DAB1: variants seen among roughly 807,000 people sequenced by gnomAD.
DAB1 encodes DAB adaptor protein 1.
A neutral mutation model predicts 64.6 loss-of-function variants in DAB1; 15 were observed. The ratio of observed to expected loss-of-function variants is 0.23; its 90% CI spans 0.16 to 0.36. The LOEUF is 0.36. Among genes scored for constraint, DAB1 ranks in the 10% least tolerant of loss-of-function variants. The pLI is 1.00. For synonymous variants in DAB1, 235 were observed against 251.9 expected (o/e 0.93, Z 0.64); for missense variants, 596 against 706.7 (o/e 0.84, Z 1.78).
At chr1:57,419,905 G>A (rs1684770521) in intron 1 of DAB1, among the ~76,000 whole-genome samples, 1 of 152,222 alleles carries the variant, frequency 6.6e-6, no homozygotes. Context: ...TTTAGTTTGA[G>A]AATCTCTGCT....
At chr1:58,077,555 CA>C (rs1213289808) in intron 5 of DAB1, among the ~76,000 whole-genome samples, 1 of 152,184 alleles carries the variant, frequency 6.6e-6, no homozygotes, top group Non-Finnish European at 1.5e-5. Context: ...CTTGCATTGA[CA>C]ATCTTATGTA....
chr1:57,144,175 A>G lies in DAB1; in HGVS notation c.207+1115T>C, dbSNP rs372851211. ...TTCCTTACATTTTTCTGTATTTTCAAAATATTCCATAATGCACATAAGTGA... is the reference window on the plus strand; with the variant it reads ...TTCCTTACATTTTTCTGTATTTTCAGAATATTCCATAATGCACATAAGTGA... On this transcript the variant is annotated intron_variant, in intron 3 of 14. Transcript: ENST00000371236. Among the ~76,000 whole-genome samples the G allele has an allele frequency of 3.3e-5, 5 of 152,172 alleles. No individual in the cohort carries two copies. The East Asian group carries it at 7.7e-4, about 23-fold the overall frequency.
chr1:57,354,487 TTGATCA>T (rs1253454728), intron 1 of DAB1, among the ~76,000 whole-genome samples: 2 of 152,150 alleles, frequency 1.3e-5, no homozygotes, highest in Non-Finnish European at 2.9e-5. Flanking sequence ...AGTTAGGGAA[TTGATCA>T]TGATCAATGA....
At chr1:58,415,476 C>A (rs1644710648) in intron 3 of DAB1, 1 of 244,040 alleles carries the variant, frequency 4.1e-6, no homozygotes, top group African/African-American at 2.3e-5. Context: ...CTTGGGGATA[C>A]ATGCATATCC....
Position 57,899,333 on chromosome 1 carries a change from G to T in DAB1, n.388-15171C>A, listed in dbSNP as rs534472162. ...AGGGATGGGAATTGCTTTGGATCCT[G>T]GAGGCAAAATGAAAAGTGTGTGATC... On this transcript the variant is annotated intron_variant and non_coding_transcript_variant, in intron 5 of 20. Transcript: ENST00000485760. Among the ~76,000 whole-genome samples the T allele has an allele frequency of 1.9e-4, 29 of 152,182 alleles. No homozygotes were observed. The South Asian group carries it at 2.3e-3, about 12-fold the overall frequency.
chr1:57,341,996 CT>C (rs1338647554), intron 1 of DAB1, among the ~76,000 whole-genome samples: 2 of 152,232 alleles, frequency 1.3e-5, no homozygotes, highest in Admixed American at 6.5e-5. Flanking sequence ...TATTCCATGA[CT>C]TACCATATTT....
At chr1:58,351,219 A>C (rs552932853) in intron 3 of DAB1, among the ~76,000 whole-genome samples, 6 of 152,238 alleles carry the variant, frequency 3.9e-5, no homozygotes, top group Non-Finnish European at 5.9e-5. Context: ...TCTTTGTAGC[A>C]ATTGCAAATG....
intron 4 of DAB1, among the ~76,000 whole-genome samples, chr1:57,109,514 A>G (rs1241825632): frequency 2.6e-5 from 4 of 152,242 alleles, no homozygotes; most frequent in Admixed American, 6.5e-5. Context: ...ATTTAAAAAA[A>G]TAAGAGAAGC....
rs185533737 is a variant in DAB1, at chr1:58,490,312, C to T, written n.257+15748G>A. ...TGACGAATGCACAAGCCTCAGTAGCCGATTCGATCAACTGGAAGAAAAGGT... is the reference window on the plus strand; with the variant it reads ...TGACGAATGCACAAGCCTCAGTAGCTGATTCGATCAACTGGAAGAAAAGGT... On this transcript the variant is annotated intron_variant and non_coding_transcript_variant, in intron 3 of 20. Coordinates refer to the DAB1 transcript ENST00000485760. Among the ~76,000 whole-genome samples the T allele has an allele frequency of 5.4e-3, 826 of 151,962 alleles. 6 individuals are homozygous for T. Among genetic ancestry groups the T allele is most frequent in the African/African-American group, 0.019 (791 of 41,418 alleles).
At chr1:57,766,032 A>C (rs1649296124) in intron 6 of DAB1, among the ~76,000 whole-genome samples, 1 of 152,010 alleles carries the variant, frequency 6.6e-6, no homozygotes, top group Non-Finnish European at 1.5e-5. Flanking sequence ...TTTCTTCTCT[A>C]CCAAGGTTCA....
At chr1:57,080,267 T>C (rs1375856875) in intron 4 of DAB1, among the ~76,000 whole-genome samples, 1 of 152,142 alleles carries the variant, frequency 6.6e-6, no homozygotes, top group East Asian at 1.9e-4. Flanking sequence ...CTCCTTTATC[T>C]CTATAAATTT....
At chr1:57,538,709 T>C (rs1036803303) in intron 7 of DAB1, among the ~76,000 whole-genome samples, 5 of 152,174 alleles carry the variant, frequency 3.3e-5, no homozygotes, top group African/African-American at 1.2e-4. Flanking sequence ...TTCAGGCCCA[T>C]TGCTGCCATG....
chr1:57,732,379 G>A (rs1482158079), intron 6 of DAB1, among the ~76,000 whole-genome samples: 1 of 152,172 alleles, frequency 6.6e-6, no homozygotes, highest in Non-Finnish European at 1.5e-5. Context: ...GGCACGGTAG[G>A]GAGAGACGGC....
At chr1:57,086,686 CAT>C (rs34394457) in intron 4 of DAB1, among the ~76,000 whole-genome samples, 37 of 144,148 alleles carry the variant, frequency 2.6e-4, no homozygotes, top group East Asian at 1.0e-3. Flanking sequence ...CACACACACA[CAT>C]GAAAAAAACC....
In DAB1 at chr1:57,308,359, T is replaced by G. The variant is rs551202892; in HGVS notation, c.-136-17193A>C. ...TATGATCAGAAGAAGCATGAAAAGATCTCCTCCTCTCAGGAATTCCAGGGG... is the reference window on the plus strand; with the variant it reads ...TATGATCAGAAGAAGCATGAAAAGAGCTCCTCCTCTCAGGAATTCCAGGGG... On this transcript the variant is annotated intron_variant, in intron 1 of 14. Transcript: ENST00000371236. Among the ~76,000 whole-genome samples the G allele has an allele frequency of 4.6e-5, 7 of 152,094 alleles. No homozygotes were observed. In the South Asian group the frequency reaches 1.5e-3, roughly 32 times the overall value.
intron 2 of DAB1, among the ~76,000 whole-genome samples, chr1:57,167,869 T>C (rs1273830279): frequency 1.3e-5 from 2 of 152,182 alleles, no homozygotes; most frequent in African/African-American, 2.4e-5. Flanking sequence ...ATTCTTAGCA[T>C]TGTTAAATCT....
At chr1:57,993,880 A>C (rs1022637602) in intron 5 of DAB1, among the ~76,000 whole-genome samples, 2 of 152,208 alleles carry the variant, frequency 1.3e-5, no homozygotes, top group African/African-American at 2.4e-5. Flanking sequence ...GCATTCATTC[A>C]TTAGTATTTT....
chr1:57,879,957 G>A (rs1003395509), intron 1 of DAB1, among the ~76,000 whole-genome samples: 4 of 152,152 alleles, frequency 2.6e-5, no homozygotes, highest in African/African-American at 9.7e-5. Context: ...CTCTTCTCCT[G>A]CTGACGCTAA....
chr1:57,553,442 G>GAAAGAAAAAGAAAGAAAGAAAGAAAGAA lies in DAB1; in HGVS notation n.625+96149_625+96150insTTCTTTCTTTCTTTCTTTCTTTTTCTTT, dbSNP rs59263518. ...AGAAAGAAAGAAAGAAAGAAAGAAA[G>GAAAGAAAAAGAAAGAAAGAAAGAAAGAA]AGAAAGAAAGAAAGAAAGAGAAAGG... On this transcript the variant is annotated intron_variant and non_coding_transcript_variant, in intron 7 of 20. Coordinates refer to the DAB1 transcript ENST00000485760. Among the ~76,000 whole-genome samples the GAAAGAAAAAGAAAGAAAGAAAGAAAGAA allele has an allele frequency of 5.4e-4, 37 of 68,190 alleles. 4 individuals carry two copies. Among genetic ancestry groups the GAAAGAAAAAGAAAGAAAGAAAGAAAGAA allele is most frequent in the African/African-American group, 1.3e-3 (21 of 15,992 alleles). The allele number at this position is 68,190 out of a possible 152,430, so 44.7% of individuals were successfully genotyped here.
Sources: gnomAD v4.1 joint callset for allele counts (sites outside exome capture counted in the v4.1 genomes callset) on GRCh38, gnomAD v4.1.1 for gene constraint, MANE v1.5 for transcripts, NCBI Gene and HGNC (gene_info 2026-07-23, HGNC 2026-07-21) for gene names.